Variants in CFAP46 observed in about 807,000 individuals in gnomAD.
CFAP46 encodes the protein cilia and flagella associated protein 46, also known as cilia- and flagella-associated protein 46.
A neutral mutation model predicts 325.7 loss-of-function variants in CFAP46; 245 were observed. The ratio of observed to expected loss-of-function variants is 0.75; its 90% CI spans 0.68 to 0.84. The LOEUF (loss-of-function observed/expected upper bound fraction) is 0.84, where lower values mean the gene tolerates loss of function less well. CFAP46 is among the 40% of genes least tolerant of loss of function. The pLI is 0.00. For synonymous variants in CFAP46, 1,523 were observed against 1,495.9 expected (o/e 1.02, Z -0.42); for missense variants, 3,346 against 3,543.0 (o/e 0.94, Z 1.41).
rs11817827 is a variant in CFAP46 at position 132,899,223 on chromosome 10, C to T, written c.3057-102G>A. ...GTCGGGCGCCCAGGGCCCAGCCACA[C>T]GCTCGCTCCCTCCTGGGCATGTGGC... On this transcript the variant is annotated intron_variant, in intron 23 of 57. Coordinates refer to ENST00000368586, the MANE Select transcript of CFAP46 (RefSeq NM_001200049.3). 1,138 of 1,269,952 alleles carry T rather than the reference C, an allele frequency of 9.0e-4. 6 individuals are homozygous for T. The African/African-American group carries it at 0.014, about 15-fold the overall frequency. The allele number at this position is 1,269,952 out of a possible 1,614,324, so 78.7% of individuals were successfully genotyped here.
At chr10:132,881,889 T>A (rs975411615) in intron 27 of CFAP46, among the ~76,000 whole-genome samples, 4 of 152,266 alleles carry the variant, frequency 2.6e-5, no homozygotes, top group Non-Finnish European at 5.9e-5. Context: ...GGGGGTTCCC[T>A]CTGTGCTCGG....
At chr10:132,863,069 C>A (rs1486017247) in intron 35 of CFAP46, among the ~76,000 whole-genome samples, 3 of 152,282 alleles carry the variant, frequency 2.0e-5, no homozygotes, top group African/African-American at 7.2e-5. Flanking sequence ...GGCGAACCCA[C>A]GTTCGCGGGA....
chr10:132,812,383 C>T (rs112986386), intron 55 of CFAP46, among the ~76,000 whole-genome samples: 3,293 of 152,278 alleles, frequency 0.022, 38 homozygotes, highest in Middle Eastern at 0.071. Context: ...GGCGAGGTCC[C>T]GAGTGCCCAC....
At chr10:132,863,345 C>T (rs1203024832) in intron 35 of CFAP46, among the ~76,000 whole-genome samples, 3 of 152,144 alleles carry the variant, frequency 2.0e-5, no homozygotes. Context: ...TCCAGCCCTG[C>T]GGCCCCAGCA....
chr10:132,879,698 C>G, intron 28 of CFAP46, 67 bp from the exon 29 acceptor site: 4 of 1,407,798 alleles, frequency 2.8e-6, no homozygotes, highest in Non-Finnish European at 3.7e-6. Context: ...CAGGCCACTC[C>G]CTTCCCTGCC....
rs1848760854 is a variant in CFAP46 at position 132,863,854 on chromosome 10, TATCA to T, written c.4890+2167_4890+2170del. 2.2e-5 allele frequency among the ~76,000 whole-genome samples: 3 copies of T among 136,818 alleles called. No individual in the cohort carries two copies. In the South Asian group the frequency reaches 7.6e-4, roughly 35 times the overall value. 89.8% of individuals were successfully genotyped at this position (136,818 alleles called of 152,430 possible). A position where few individuals can be genotyped will look rare whatever the true frequency, so the allele number is the denominator to read the frequency against. ...GAGACCAGCACACACCTGTCCCTGC[TATCA>T]GAGACCTGCACACACCTGTCCCCCT... is the stretch of plus-strand genomic sequence containing the variant. On this transcript the variant is annotated intron_variant, in intron 35 of 57. Transcript: ENST00000368586.
In CFAP46 at chr10:132,942,335, G is replaced by A. The variant is rs546584766; in HGVS notation, c.49+101C>T. ...TGTGGCCCTCGAGGGATCACCCATT[G>A]GGCGGGCTGGGATGAGAGGGTCCGG... On this transcript the variant is annotated intron_variant, in intron 1 of 57. Transcript: ENST00000368586. 4.9e-4 allele frequency: 564 copies of A among 1,147,232 alleles called. 3 individuals carry two copies. The African/African-American group carries it at 8.2e-3, about 17-fold the overall frequency. The allele number at this position is 1,147,232 out of a possible 1,614,324, so 71.1% of individuals were successfully genotyped here.
intron 25 of CFAP46, among the ~76,000 whole-genome samples, chr10:132,887,181 CTT>C (rs1420727538): frequency 2.9e-5 from 2 of 68,110 alleles, no homozygotes; most frequent in Non-Finnish European, 2.8e-5. Flanking sequence ...CCTCTCCCCT[CTT>C]CTCTCTCTCC....
At chr10:132,913,025 C>T (rs375650269) in intron 18 of CFAP46, 21 bp downstream of exon 18, 27 of 1,547,314 alleles carry the variant, frequency 1.7e-5, no homozygotes, top group East Asian at 9.8e-5. Flanking sequence ...CCTGCGTGAA[C>T]GCAGCACAGC....
At chr10:132,888,300 G>C (rs1849196770) in intron 25 of CFAP46, among the ~76,000 whole-genome samples, 1 of 141,202 alleles carries the variant, frequency 7.1e-6, no homozygotes, top group African/African-American at 2.7e-5. Flanking sequence ...TGCTTCCATA[G>C]CCTGTACCCC....
chr10:132,892,215 C>T, intron 25 of CFAP46, 118 bp downstream of exon 25: 1 of 860,230 alleles, frequency 1.2e-6, no homozygotes, highest in Non-Finnish European at 1.8e-6. Context: ...TCTGGAGTTA[C>T]TGCCAAGTGG....
At chr10:132,910,599 C>G (rs1315422735) in intron 19 of CFAP46, among the ~76,000 whole-genome samples, 1 of 152,234 alleles carries the variant, frequency 6.6e-6, no homozygotes, top group Non-Finnish European at 1.5e-5. Flanking sequence ...GAAACCCAGT[C>G]TATGGGTCGT....
intron 54 of CFAP46, among the ~76,000 whole-genome samples, chr10:132,813,218 A>AC (rs935925833): frequency 6.6e-6 from 1 of 151,958 alleles, no homozygotes; most frequent in Non-Finnish European, 1.5e-5. Flanking sequence ...AGGTCAAGGC[A>AC]CCCCCAGTAC....
Position 132,937,681 on chromosome 10 carries a change from T to C in CFAP46, c.537-6A>G. 2 of 1,599,248 alleles carry C rather than the reference T, an allele frequency of 1.3e-6. No individual in the cohort carries two copies. The highest frequency in any genetic ancestry group is 1.7e-6 in the Non-Finnish European group (2 of 1,172,242). ...GATAACACTCCAGAAGTTCCCTGGATAATAGAAACACACCACTGGTCAACC... is the reference window on the plus strand; with the variant it reads ...GATAACACTCCAGAAGTTCCCTGGACAATAGAAACACACCACTGGTCAACC... On this transcript the variant is annotated splice_region_variant and splice_polypyrimidine_tract_variant and intron_variant, in intron 5 of 57. Transcript: ENST00000368586.
chr10:132,864,323 G>T (rs376730647), intron 35 of CFAP46, among the ~76,000 whole-genome samples: 16 of 117,530 alleles, frequency 1.4e-4, no homozygotes, highest in African/African-American at 4.9e-4. Flanking sequence ...CCCTGCCTGA[G>T]ACCTGCACAC....
chr10:132,834,026 G>A lies in CFAP46; in HGVS notation c.6949+15C>T, dbSNP rs773837147. 28 of 1,612,272 alleles carry A rather than the reference G, an allele frequency of 1.7e-5. 1 individual carries two copies. Among genetic ancestry groups the A allele is most frequent in the Middle Eastern group, 3.4e-4 (2 of 5,920 alleles). Reference sequence around the variant, plus strand: ...TGAGCTCCCCAGGCTGAGTGGCCACGCCCGCCCCACTCACTGTGTTGTCCT... The same window carrying A: ...TGAGCTCCCCAGGCTGAGTGGCCACACCCGCCCCACTCACTGTGTTGTCCT... On this transcript the variant is annotated intron_variant, in intron 49 of 57. Coordinates refer to ENST00000368586, the MANE Select transcript of CFAP46 (RefSeq NM_001200049.3).
rs912436821 is a variant in CFAP46, at chr10:132,832,715, CA to C, written c.7117+642del. On this transcript the variant is annotated intron_variant, in intron 50 of 57. Transcript: ENST00000368586. This position sits in a 1 kb window ranked among gnomAD's most constrained non-coding sequence, Gnocchi z 4.1. ...GCTTCACAACCGGGGCACGTCTGCACAGCCAGCACTCAGTCACAGAATGTCA... is the reference window on the plus strand; with the variant it reads ...GCTTCACAACCGGGGCACGTCTGCACGCCAGCACTCAGTCACAGAATGTCA... The C allele has an allele frequency of 2.6e-5, 12 of 469,182 alleles. No individual in the cohort carries two copies. The highest frequency in any genetic ancestry group is 1.4e-4 in the African/African-American group (7 of 50,060). 29.1% of individuals were successfully genotyped at this position (469,182 alleles called of 1,614,324 possible).
intron 2 of CFAP46, 104 bp downstream of exon 2, chr10:132,941,876 A>T: frequency 6.6e-7 from 1 of 1,509,582 alleles, no homozygotes; most frequent in Non-Finnish European, 8.9e-7. Flanking sequence ...CTGCCCGGCC[A>T]GGAGCTGCCT....
In CFAP46 at chr10:132,867,585, C is replaced by T. The variant is rs1848834908; in HGVS notation, c.4611-78G>A. On this transcript the variant is annotated intron_variant, in intron 33 of 57. Transcript: ENST00000368586. Reference sequence around the variant, plus strand: ...CCCTTCACGAGTAACCAAAGAAACGCAAACGAAAACAGCCACAATTACATT... The same window carrying T: ...CCCTTCACGAGTAACCAAAGAAACGTAAACGAAAACAGCCACAATTACATT... 2.0e-6 allele frequency: 3 copies of T among 1,486,430 alleles called. No individual in the cohort carries two copies. The South Asian group carries it at 3.9e-5, about 19-fold the overall frequency. 92.1% of individuals were successfully genotyped at this position (1,486,430 alleles called of 1,614,324 possible). A position where few individuals can be genotyped will look rare whatever the true frequency, so the allele number is the denominator to read the frequency against.
Sources: gnomAD v4.1 joint callset for allele counts (sites outside exome capture counted in the v4.1 genomes callset) on GRCh38, gnomAD v4.1.1 for gene constraint, Gnocchi (gnomAD v3.1) non-coding constraint, MANE v1.5 for transcripts, NCBI Gene and HGNC (gene_info 2026-07-23, HGNC 2026-07-21) for gene names.